GATA4: variants seen among roughly 807,000 people sequenced by gnomAD.
GATA4 encodes GATA binding protein 4, also known as transcription factor GATA-4.
A neutral mutation model predicts 37.9 loss-of-function variants in GATA4; 7 were observed. That is an observed-to-expected ratio of 0.18 (90% confidence interval 0.11 to 0.35). GATA4 has a LOEUF of 0.35. Ranked by LOEUF, GATA4 falls within the 10% of genes least tolerant of loss-of-function variation. The pLI is 1.00. For synonymous variants in GATA4, 372 were observed against 292.6 expected, an observed-to-expected ratio of 1.27 and a Z score of -2.77; for missense variants, 647 against 653.0, an observed-to-expected ratio of 0.99 and a Z score of 0.10.
Position 11,708,898 on chromosome 8 carries a change from G to T in GATA4, c.586G>T (p.Ala196Ser), listed in dbSNP as rs1371654056. ...GGTCCTGCACAGCCTGCCCGGCCGG[G>T]CCAACCCGGCCGCCCGACACCCCAA... is the stretch of plus-strand genomic sequence containing the variant. ...SPVLHSLPGR[A>S]NPAARHPNLV... The change falls in exon 2 of 7, where the codon GCC becomes TCC. Residue 196 changes from alanine to serine, a missense_variant. This residue lies in a region of GATA4 where 379 missense variants were observed against 334.5 expected (regional missense o/e 1.13). Coordinates refer to ENST00000532059, the MANE Select transcript of GATA4 (RefSeq NM_001308093.3). This position sits in a 1 kb window ranked among gnomAD's most constrained non-coding sequence, Gnocchi z 6.7. 2.0e-6 allele frequency: 3 copies of T among 1,527,920 alleles called. No homozygotes were observed. Among genetic ancestry groups the T allele is most frequent in the Non-Finnish European group, 2.6e-6 (3 of 1,143,820 alleles). The allele number at this position is 1,527,920 out of a possible 1,614,324, so 94.6% of individuals were successfully genotyped here.
At chr8:11,742,444 A>AAAAAC (rs886910291) in intron 2 of GATA4, among the ~76,000 whole-genome samples, 8 of 150,344 alleles carry the variant, frequency 5.3e-5, no homozygotes, top group Non-Finnish European at 8.9e-5. Flanking sequence ...GTGATTTAGG[A>AAAAAC]AAAACAAAAC....
upstream of GATA4, among the ~76,000 whole-genome samples, chr8:11,689,843 C>T (rs1319803738): frequency 6.6e-6 from 1 of 152,140 alleles, no homozygotes; most frequent in East Asian, 1.9e-4. Flanking sequence ...TACATCAGGG[C>T]GAGGGAAGTT....
intron 2 of GATA4, among the ~76,000 whole-genome samples, chr8:11,740,319 AC>A (rs1801668684): frequency 6.6e-6 from 1 of 152,182 alleles, no homozygotes; most frequent in Non-Finnish European, 1.5e-5. Context: ...GGGTGGCCAC[AC>A]ACCCTGGTGT....
intron 2 of GATA4, among the ~76,000 whole-genome samples, chr8:11,738,909 C>A (rs1029073546): frequency 6.6e-6 from 1 of 152,176 alleles, no homozygotes; most frequent in Non-Finnish European, 1.5e-5. Flanking sequence ...TTGTCCACAG[C>A]GTGACTGGAA....
intron 1 of GATA4, chr8:11,680,652 G>T (rs1268478141): frequency 1.3e-5 from 13 of 985,262 alleles, no homozygotes; most frequent in Non-Finnish European, 1.6e-5. Context: ...CTGGGAACGT[G>T]TCTCGGGTCG....
intron 1 of GATA4, among the ~76,000 whole-genome samples, chr8:11,693,983 G>A (rs1282281005): frequency 6.6e-6 from 1 of 152,082 alleles, no homozygotes; most frequent in Non-Finnish European, 1.5e-5. Flanking sequence ...AAAAGAGAGG[G>A]GGGAACACCT....
chr8:11,728,054 A>C (rs1348182234), intron 2 of GATA4, among the ~76,000 whole-genome samples: 1 of 151,270 alleles, frequency 6.6e-6, no homozygotes, highest in Non-Finnish European at 1.5e-5. Context: ...GCAGTGGTGC[A>C]ATCTCAGCTC....
At chr8:11,694,102 T>A (rs1799430932) in intron 1 of GATA4, among the ~76,000 whole-genome samples, 1 of 152,200 alleles carries the variant, frequency 6.6e-6, no homozygotes, top group Non-Finnish European at 1.5e-5. Flanking sequence ...CTGCCAGCGC[T>A]CACTCCTGCT....
intron 1 of GATA4, among the ~76,000 whole-genome samples, chr8:11,683,425 G>A (rs1439156240): frequency 6.6e-6 from 1 of 150,476 alleles, no homozygotes; most frequent in Non-Finnish European, 1.5e-5. Context: ...TTGGGTTGGA[G>A]GTATCGTTTT....
upstream of GATA4, chr8:11,692,079 AG>A: frequency 1.0e-6 from 1 of 984,666 alleles, no homozygotes. Flanking sequence ...TGCTTTCCGT[AG>A]AAAGGGAAGG....
At chr8:11,728,218 A>G (rs115608900) in intron 2 of GATA4, among the ~76,000 whole-genome samples, 2,708 of 152,274 alleles carry the variant, frequency 0.018, 86 homozygotes, top group African/African-American at 0.061. Context: ...CAAATTCCTT[A>G]TGTCAGGTGA....
intron 2 of GATA4, among the ~76,000 whole-genome samples, chr8:11,721,365 A>T (rs1039268953): frequency 4.0e-5 from 6 of 149,094 alleles, no homozygotes; most frequent in African/African-American, 1.5e-4. Context: ...AAGCAGAAGC[A>T]CGGCGTTGAG....
chr8:11,737,035 T>G lies in GATA4; in HGVS notation c.617-11881T>G, dbSNP rs548083913. Among the ~76,000 whole-genome samples, 3 of 152,128 alleles carry G rather than the reference T, an allele frequency of 2.0e-5. No individual in the cohort carries two copies. In the South Asian group the frequency reaches 6.3e-4, roughly 32 times the overall value. ...TGCAACTTGGCTTAGACTCCATATTTCATGCAAAAAGCTTTCAGGGTAGCA... is the reference window on the plus strand; with the variant it reads ...TGCAACTTGGCTTAGACTCCATATTGCATGCAAAAAGCTTTCAGGGTAGCA... On this transcript the variant is annotated intron_variant, in intron 2 of 6. Transcript: ENST00000532059.
chr8:11,693,493 AG>A (rs1225946496), intron 1 of GATA4, among the ~76,000 whole-genome samples: 50 of 151,128 alleles, frequency 3.3e-4, no homozygotes, highest in Non-Finnish European at 5.3e-4. Context: ...AGAGAGAGAG[AG>A]AGAAAAAAAG....
intron 2 of GATA4, among the ~76,000 whole-genome samples, chr8:11,732,018 TGAG>T (rs1801235383): frequency 6.6e-6 from 1 of 152,150 alleles, no homozygotes; most frequent in African/African-American, 2.4e-5. Context: ...TTATCCTTGG[TGAG>T]GAGGTGGAAA....
chr8:11,730,982 A>C (rs1472875383), intron 2 of GATA4, among the ~76,000 whole-genome samples: 1 of 152,332 alleles, frequency 6.6e-6, no homozygotes, highest in East Asian at 1.9e-4. Flanking sequence ...CGGCTCTGTC[A>C]GGGCGAGCTT....
chr8:11,687,376 C>G (rs970011585), intron 1 of GATA4, among the ~76,000 whole-genome samples: 7 of 152,136 alleles, frequency 4.6e-5, no homozygotes, highest in Admixed American at 2.6e-4. Flanking sequence ...CATCTTTGTA[C>G]AGTTTTGTAA....
At chr8:11,705,812 G>T (rs1349206881) in intron 1 of GATA4, 2 of 152,152 alleles carry the variant, frequency 1.3e-5, no homozygotes, top group Non-Finnish European at 2.9e-5. Flanking sequence ...ATATTAGATT[G>T]ATGACATTTT....
rs543652629 is a variant in GATA4 at position 11,721,143 on chromosome 8, G to C, written c.616+12215G>C. On this transcript the variant is annotated intron_variant, in intron 2 of 6. Coordinates refer to ENST00000532059, the MANE Select transcript of GATA4 (RefSeq NM_001308093.3). ...TAGGGGCAGGGGATCTGAAGCGCAA[G>C]GGGGCGAAAGTGGGTTCTACGGAGC... is the stretch of plus-strand genomic sequence containing the variant. Among the ~76,000 whole-genome samples the C allele has an allele frequency of 3.3e-5, 5 of 151,854 alleles. No individual in the cohort carries two copies. In the South Asian group the frequency reaches 1.0e-3, roughly 32 times the overall value.
Sources: allele counts gnomAD v4.1 joint callset (sites outside exome capture counted in the v4.1 genomes callset), GRCh38; gene constraint gnomAD v4.1.1; regional missense constraint gnomAD v4.1.1; non-coding constraint Gnocchi (gnomAD v3.1); transcripts MANE v1.5; gene names NCBI Gene and HGNC (gene_info 2026-07-23, HGNC 2026-07-21).